Variants in PTPRF observed in about 807,000 individuals in gnomAD.
PTPRF encodes the protein protein tyrosine phosphatase receptor type F.
PTPRF carries 59 observed loss-of-function variants against 201.8 expected under a neutral mutation model. The ratio of observed to expected loss-of-function variants is 0.29; its 90% CI spans 0.24 to 0.36. The LOEUF is 0.36. PTPRF is among the 10% of genes least tolerant of loss of function. The pLI is 1.00. For synonymous variants in PTPRF, 1,088 were observed against 1,089.7 expected (o/e 1.00, Z 0.03); for missense variants, 2,132 against 2,690.5 (o/e 0.79, Z 4.59).
At position 43,604,882 on chromosome 1, in the gene PTPRF, ACTCT is replaced by A. The variant is rs781199201; in HGVS notation, c.3038-16_3038-13del. ...CCACCTCATATACCCAGCAGAGCTG[ACTCT>A]CTCTATGCCTTTGCAGTGTTTGCCA... On this transcript the variant is annotated splice_polypyrimidine_tract_variant and intron_variant, in intron 16 of 33. Transcript: ENST00000359947. The A allele has an allele frequency of 1.0e-5, 16 of 1,606,906 alleles. No individual in the cohort carries two copies. Among genetic ancestry groups the A allele is most frequent in the East Asian group, 6.7e-5 (3 of 44,846 alleles).
chr1:43,604,863 CAT>C lies in PTPRF; in HGVS notation c.3038-36_3038-35del, dbSNP rs1404788130. ...CCCTTCCAGCCCATTCACCCCACCT[CAT>C]ATACCCAGCAGAGCTGACTCTCTCT... is the stretch of plus-strand genomic sequence containing the variant. On this transcript the variant is annotated intron_variant, in intron 16 of 33. Coordinates refer to ENST00000359947, the MANE Select transcript of PTPRF (RefSeq NM_002840.5). The C allele has an allele frequency of 2.5e-6, 4 of 1,570,900 alleles. No homozygotes were observed. The South Asian group carries it at 4.4e-5, about 17-fold the overall frequency.
At chr1:43,617,651 A>G in intron 24 of PTPRF, 83 bp downstream of exon 24, 1 of 1,604,046 alleles carries the variant, frequency 6.2e-7, no homozygotes, top group Non-Finnish European at 8.5e-7. Context: ...GAGGATGTCC[A>G]CGAGTCTCAG....
chr1:43,609,406 C>CT lies in PTPRF; in HGVS notation c.3882dup (p.Lys1295Ter). ...AGGAAAAGGACCCACTCTCCGTCCT[C>CT]TAAGGATGAGCAGTCGATCGGACTG... On this transcript the variant is annotated frameshift_variant, in exon 22 of 34. Coordinates refer to ENST00000359947, the MANE Select transcript of PTPRF (RefSeq NM_002840.5). LOFTEE classifies it high-confidence loss of function. 6.2e-7 allele frequency: 1 copy of CT among 1,614,102 alleles called. No individual in the cohort carries two copies. Among genetic ancestry groups the CT allele is most frequent in the South Asian group, 1.1e-5 (1 of 91,074 alleles).
At chr1:43,578,180 G>A (rs566102466) in intron 6 of PTPRF, among the ~76,000 whole-genome samples, 66 of 152,362 alleles carry the variant, frequency 4.3e-4, no homozygotes, top group Non-Finnish European at 7.2e-4. Flanking sequence ...TGCAGGAGCC[G>A]TGGTGGGTCG....
At chr1:43,620,649 G>A (rs934137021) in intron 31 of PTPRF, 70 bp downstream of exon 31, 1 of 1,578,616 alleles carries the variant, frequency 6.3e-7, no homozygotes. Flanking sequence ...TGCCTGCATG[G>A]TACCTTAGCT....
In PTPRF at chr1:43,621,910, A is replaced by G. The variant is rs768592741; in HGVS notation, c.5656-25A>G. ...GGGGGTGTCCACTGGCGCGACCCAC[A>G]CTGACCAGCCCCCTATCCTGGCAGG... is the stretch of plus-strand genomic sequence containing the variant. On this transcript the variant is annotated intron_variant, in intron 33 of 33. Transcript: ENST00000359947. 6 of 1,613,488 alleles carry G rather than the reference A, an allele frequency of 3.7e-6. No individual in the cohort carries two copies. In the East Asian group the frequency reaches 1.3e-4, roughly 36 times the overall value.
intron 5 of PTPRF, among the ~76,000 whole-genome samples, chr1:43,569,230 C>CCCA (rs1553182522): frequency 3.8e-4 from 47 of 124,060 alleles, no homozygotes; most frequent in African/African-American, 1.3e-3. Context: ...CCCCCCCCCC[C>CCCA]ACCCCCTGCA....
intron 6 of PTPRF, 79 bp from the exon 7 acceptor site, chr1:43,578,731 T>A: frequency 1.9e-6 from 2 of 1,037,830 alleles, no homozygotes; most frequent in Non-Finnish European, 2.9e-6. Flanking sequence ...CAGCCACAGA[T>A]GCTGTCGAGA....
intron 8 of PTPRF, 117 bp downstream of exon 8, chr1:43,589,117 T>C: frequency 7.9e-7 from 1 of 1,271,556 alleles, no homozygotes; most frequent in Admixed American, 3.4e-5. Flanking sequence ...TCTTGCCCTT[T>C]CCTGGGTGTC....
intron 33 of PTPRF, 50 bp from the exon 34 acceptor site, chr1:43,621,885 G>T: frequency 6.4e-7 from 1 of 1,558,374 alleles, no homozygotes; most frequent in Non-Finnish European, 8.9e-7. Flanking sequence ...GCTGTGTAGT[G>T]GGGGTGTCCA....
rs551240850 is a variant in PTPRF, at chr1:43,569,134, G to A, written c.380-456G>A. The stretch of plus-strand genomic sequence containing the variant: ...AGGCTGGATGAAGGGAACACTGTGT[G>A]TGCGGACAGGGGAGAGGGGGCTGGA... On this transcript the variant is annotated intron_variant, in intron 5 of 33. Coordinates refer to ENST00000359947, the MANE Select transcript of PTPRF (RefSeq NM_002840.5). Among the ~76,000 whole-genome samples, 257 of 152,318 alleles carry A rather than the reference G, an allele frequency of 1.7e-3. 2 individuals are homozygous for A. Among genetic ancestry groups the A allele is most frequent in the Non-Finnish European group, 2.5e-3 (172 of 68,022 alleles).
rs147659161 is a variant in PTPRF at position 43,622,955 on chromosome 1, C to A, written c.*952C>A. The stretch of plus-strand genomic sequence containing the variant: ...TTCAAACCCTCAAGAGGGGAAGCAA[C>A]TCCGTGTGCCTGGGGTTCCCGAGGG... On this transcript the variant is annotated 3_prime_UTR_variant, in exon 34 of 34. Transcript: ENST00000359947. 6.6e-6 allele frequency: 1 copy of A among 152,552 alleles called. No individual in the cohort carries two copies. The highest frequency in any genetic ancestry group is 1.9e-4 in the East Asian group (1 of 5,190). 9.4% of individuals were successfully genotyped at this position (152,552 alleles called of 1,614,324 possible). A position where few individuals can be genotyped will look rare whatever the true frequency, so the allele number is the denominator to read the frequency against.
At chr1:43,562,615 T>A (rs1373432206) in intron 5 of PTPRF, among the ~76,000 whole-genome samples, 1 of 151,844 alleles carries the variant, frequency 6.6e-6, no homozygotes, top group Non-Finnish European at 1.5e-5. Flanking sequence ...ACGAAACATG[T>A]TGGCCAGGCT....
At chr1:43,526,416 G>C (rs1263609777), upstream of PTPRF, among the ~76,000 whole-genome samples, 7 of 151,954 alleles carry the variant, frequency 4.6e-5, no homozygotes, top group African/African-American at 1.7e-4. Context: ...GCAACATGAT[G>C]AGATTTTGTC....
In PTPRF at chr1:43,578,823, A is replaced by G. The variant is rs1647114050; in HGVS notation, c.582A>G (p.Ile194Met). The G allele has an allele frequency of 3.1e-6, 5 of 1,613,824 alleles. No individual in the cohort carries two copies. Among genetic ancestry groups the G allele is most frequent in the Non-Finnish European group, 4.2e-6 (5 of 1,179,736 alleles). ...IKQLRSGALQ[I>M]ESSEESDQGK... is the part of the protein sequence containing the mutation. ...GTGTACCCACAGGTGCCTTGCAGATAGAGAGCAGTGAGGAATCCGACCAAG... is the reference window on the plus strand; with the variant it reads ...GTGTACCCACAGGTGCCTTGCAGATGGAGAGCAGTGAGGAATCCGACCAAG... Residue 194 changes from isoleucine to methionine, a missense_variant, in exon 7 of 34, where the codon ATA (isoleucine) becomes ATG (methionine). Ile to Met is a conservative substitution (Grantham distance 10). Transcript: ENST00000359947.
At chr1:43,584,357 G>A (rs997374887) in intron 7 of PTPRF, among the ~76,000 whole-genome samples, 1 of 152,178 alleles carries the variant, frequency 6.6e-6, no homozygotes, top group Non-Finnish European at 1.5e-5. Flanking sequence ...CTATAGCCTA[G>A]GCTCAGATAT....
intron 7 of PTPRF, among the ~76,000 whole-genome samples, chr1:43,581,164 A>T (rs1292965808): frequency 2.6e-5 from 4 of 152,182 alleles, no homozygotes; most frequent in Non-Finnish European, 5.9e-5. Context: ...CTGTTTACAC[A>T]TGGTAGACTC....
At chr1:43,620,068 G>T in intron 29 of PTPRF, 27 bp from the exon 30 acceptor site, 6 of 1,613,076 alleles carry the variant, frequency 3.7e-6, no homozygotes, top group Non-Finnish European at 5.1e-6. Context: ...AGCACCTCCA[G>T]CATGTCCAGT....
intron 7 of PTPRF, among the ~76,000 whole-genome samples, chr1:43,586,145 G>A (rs1209936315): frequency 6.6e-6 from 1 of 152,218 alleles, no homozygotes; most frequent in Admixed American, 6.5e-5. Context: ...GTAATTGGCA[G>A]GTGATAGCAT....
Sources: gnomAD v4.1 joint callset for allele counts (sites outside exome capture counted in the v4.1 genomes callset) on GRCh38, gnomAD v4.1.1 for gene constraint, MANE v1.5 for transcripts, NCBI Gene and HGNC (gene_info 2026-07-23, HGNC 2026-07-21) for gene names.